Variants in PSG5 observed in about 807,000 individuals in gnomAD.
PSG5 encodes pregnancy-specific beta-1-glycoprotein 5.
Under a neutral mutation model 37.7 loss-of-function variants are expected in PSG5, and 53 were observed. That is an observed-to-expected ratio of 1.41 (90% CI 1.13 to 1.77). The LOEUF is 1.77. PSG5 is among the 40% of genes most tolerant of loss of function. The pLI, the probability that PSG5 is intolerant of heterozygous loss-of-function variation, is 0.00. For synonymous variants in PSG5, 221 were observed against 155.4 expected, an observed-to-expected ratio of 1.42 and a Z score of -3.14; for missense variants, 547 against 405.2, an observed-to-expected ratio of 1.35 and a Z score of -3.00.
rs1968827909 is a variant in PSG5, at chr19:43,168,212, G to A, written c.*41-9C>T. On this transcript the variant is annotated splice_polypyrimidine_tract_variant and intron_variant, in intron 5 of 5. Coordinates refer to ENST00000342951, the MANE Select transcript of PSG5 (RefSeq NM_002781.4). The stretch of plus-strand genomic sequence containing the variant: ...AGAATCAAAGCAACTGTCTGGGAAA[G>A]ACAAAGATTTAAACTGACTATGGTT... The A allele has an allele frequency of 2.5e-6, 1 of 400,030 alleles. No individual in the cohort carries two copies. The highest frequency in any genetic ancestry group is 4.6e-6 in the Non-Finnish European group (1 of 217,048). The allele number at this position is 400,030 out of a possible 1,614,324, so 24.8% of individuals were successfully genotyped here. A position where few individuals can be genotyped will look rare whatever the true frequency, so the allele number is the denominator to read the frequency against.
chr19:43,179,072 C>G (rs202062235), intron 2 of PSG5: 1 of 1,612,122 alleles, frequency 6.2e-7, no homozygotes, highest in Non-Finnish European at 8.5e-7. Context: ...TGTCTGAAGC[C>G]GCAGGATCAC....
At chr19:43,180,816 G>C (rs776462215) in intron 2 of PSG5, among the ~76,000 whole-genome samples, 1 of 149,772 alleles carries the variant, frequency 6.7e-6, no homozygotes, top group East Asian at 2.0e-4. Context: ...AGAGAGTCCC[G>C]TTAAAAGGAC....
intron 2 of PSG5, among the ~76,000 whole-genome samples, chr19:43,178,372 A>G (rs1333550087): frequency 6.6e-6 from 1 of 151,796 alleles, no homozygotes; most frequent in Admixed American, 6.6e-5. Context: ...CAATCAGCCA[A>G]GAATGCTCTG....
chr19:43,185,088 G>T lies in PSG5; in HGVS notation c.124C>A (p.Pro42Thr), dbSNP rs1966903472. The T allele has an allele frequency of 6.2e-7, 1 of 1,611,718 alleles. No individual in the cohort carries two copies. The highest frequency in any genetic ancestry group is 8.5e-7 in the Non-Finnish European group (1 of 1,178,624). Residue 42 changes from proline to threonine, a missense_variant, in exon 2 of 6, where the codon CCA (proline) becomes ACA (threonine). Pro to Thr is a conservative substitution (Grantham distance 38). Transcript: ENST00000342951. ...TCCTTCCCCTCGGAAACTTTGGGTG[G>T]CAGGGCTTCAATCGTGACTTGAGCA... ...ITAQVTIEAL[P>T]PKVSEGKDVL...
intron 2 of PSG5, among the ~76,000 whole-genome samples, chr19:43,182,370 G>C (rs1371721738): frequency 1.3e-5 from 2 of 150,802 alleles, no homozygotes; most frequent in Non-Finnish European, 3.0e-5. Context: ...TGTAGAACAT[G>C]AGATTGGTCT....
rs1400208813 is a variant in PSG5 at position 43,185,426 on chromosome 19, G to A, written c.65-279C>T. Among the ~76,000 whole-genome samples the A allele has an allele frequency of 1.9e-4, 9 of 46,908 alleles. No homozygotes were observed. In the Middle Eastern group the frequency reaches 0.034, roughly 178 times the overall value. The allele number at this position is 46,908 out of a possible 152,430, so 30.8% of individuals were successfully genotyped here. A position where few individuals can be genotyped will look rare whatever the true frequency, so the allele number is the denominator to read the frequency against. ...AATCCTCTTCCCCAGGGGTCCACAC[G>A]GCACCCCCCCCCCCCCACACTGCCC... On this transcript the variant is annotated intron_variant, in intron 1 of 5. Transcript: ENST00000342951.
chr19:43,174,345 A>G, intron 4 of PSG5: 1 of 630,460 alleles, frequency 1.6e-6, no homozygotes, highest in Non-Finnish European at 2.0e-6. Context: ...TAAGTCTTAT[A>G]TTAGATATAT....
intron 2 of PSG5, among the ~76,000 whole-genome samples, chr19:43,181,011 C>T (rs17173164): frequency 0.012 from 1,761 of 151,662 alleles, 69 homozygotes; most frequent in African/African-American, 0.036. Context: ...CTTAAGCTCA[C>T]GAAACACCAC....
At chr19:43,183,301 C>G (rs200315125) in intron 2 of PSG5, 1 of 364,134 alleles carries the variant, frequency 2.7e-6, no homozygotes, top group Non-Finnish European at 5.4e-6. Flanking sequence ...ACATGGATGT[C>G]AGCCTCTGAA....
intron 5 of PSG5, 56 bp downstream of exon 5, chr19:43,169,999 C>T (rs1968869228): frequency 2.6e-6 from 3 of 1,148,846 alleles, no homozygotes; most frequent in East Asian, 5.5e-5. Flanking sequence ...TTTTCCCTCT[C>T]CCAAGCATGG....
At chr19:43,176,869 A>G (rs1969022749) in intron 2 of PSG5, among the ~76,000 whole-genome samples, 1 of 150,902 alleles carries the variant, frequency 6.6e-6, no homozygotes, top group Admixed American at 6.6e-5. Context: ...GAGCAGAACC[A>G]TGTTCCCTGT....
At chr19:43,175,549 A>G in intron 3 of PSG5, 80 bp from the exon 4 acceptor site, 1 of 1,526,568 alleles carries the variant, frequency 6.6e-7, no homozygotes, top group South Asian at 1.3e-5. Context: ...GGACACAGTG[A>G]CCCTCTGAGC....
rs1966898780 is a variant in PSG5 at position 43,184,993 on chromosome 19, C to A, written c.219G>T (p.Met73Ile). 2 of 1,612,490 alleles carry A rather than the reference C, an allele frequency of 1.2e-6. No individual in the cohort carries two copies. Among genetic ancestry groups the A allele is most frequent in the Non-Finnish European group, 1.7e-6 (2 of 1,179,144 alleles). The change falls in exon 2 of 6, where the codon ATG (methionine) becomes ATT (isoleucine). Residue 73 changes from methionine to isoleucine, a missense_variant. Met to Ile is a conservative substitution (Grantham distance 10). Transcript: ENST00000342951. Reference sequence around the variant, plus strand: ...ATGATGTAATGTAATGGTAGAGGTCCATCAGTTGTCCTTTGTACCAGATGT... The same window carrying A: ...ATGATGTAATGTAATGGTAGAGGTCAATCAGTTGTCCTTTGTACCAGATGT... ...AGYIWYKGQL[M>I]DLYHYITSYV...
rs555764584 is a variant in PSG5 at position 43,186,133 on chromosome 19, T to C, written c.64+209A>G. Among the ~76,000 whole-genome samples the C allele has an allele frequency of 2.9e-4, 44 of 151,332 alleles. 1 individual carries two copies. Among genetic ancestry groups the C allele is most frequent in the African/African-American group, 1.1e-3 (44 of 41,126 alleles). On this transcript the variant is annotated intron_variant, in intron 1 of 5. Coordinates refer to ENST00000342951, the MANE Select transcript of PSG5 (RefSeq NM_002781.4). ...CTAGGATTCCAAGAGCACACCACCA[T>C]ACCTGGTTAATTTTTTGTATTTTTA...
Position 43,171,651 on chromosome 19 carries a change from A to G in PSG5, c.965-1513T>C, listed in dbSNP as rs2122203241. 3 of 851,822 alleles carry G rather than the reference A, an allele frequency of 3.5e-6. No individual in the cohort carries two copies. The East Asian group carries it at 1.0e-4, about 30-fold the overall frequency. The allele number at this position is 851,822 out of a possible 1,614,324, so 52.8% of individuals were successfully genotyped here. A position where few individuals can be genotyped will look rare whatever the true frequency, so the allele number is the denominator to read the frequency against. On this transcript the variant is annotated intron_variant, in intron 4 of 5. Coordinates refer to ENST00000342951, the MANE Select transcript of PSG5 (RefSeq NM_002781.4). ...CTAGATTGACTAAGAAAAAAAGAGA[A>G]AAGTTTAAAATTACTCAAATCAGAA...
At chr19:43,184,447 CA>C (rs1445126213) in intron 2 of PSG5, among the ~76,000 whole-genome samples, 3 of 151,564 alleles carry the variant, frequency 2.0e-5, no homozygotes, top group African/African-American at 7.3e-5. Context: ...CCCCTCAGGC[CA>C]AAGCCCTACT....
In PSG5 at chr19:43,186,458, A is replaced by G. The variant is rs150416643; in HGVS notation, c.-53T>C. On this transcript the variant is annotated 5_prime_UTR_variant, in exon 1 of 6. Transcript: ENST00000342951. ...GTGGAGCTGAGCCTAGGATCCAGAA[A>G]CTTCCTGAGCACGGCTGTAGGCTGT... 191 of 1,607,922 alleles carry G rather than the reference A, an allele frequency of 1.2e-4. 4 individuals carry two copies. Among genetic ancestry groups the G allele is most frequent in the African/African-American group, 1.7e-4 (13 of 74,322 alleles).
intron 1 of PSG5, among the ~76,000 whole-genome samples, chr19:43,185,436 C>A (rs760530505): frequency 1.0e-4 from 15 of 150,172 alleles, no homozygotes; most frequent in Admixed American, 2.0e-4. Flanking sequence ...GGCACCCCCC[C>A]CCCCCCACAC....
In PSG5 at chr19:43,184,833, G is replaced by C. The variant is rs372486905; in HGVS notation, c.379C>G (p.Arg127Gly). The change falls in exon 2 of 6, where the codon CGA becomes GGA. Residue 127 changes from arginine (R) to glycine (G), a missense_variant. Arg to Gly is a moderately radical substitution (Grantham distance 125). Coordinates refer to ENST00000342951, the MANE Select transcript of PSG5 (RefSeq NM_002781.4). ...AGSYTLHIIK[R>G]GDRTRGVTGY... The stretch of plus-strand genomic sequence containing the variant: ...GTTACTCCTCTAGTCCTATCACCTC[G>C]CTTTATGATGTGTAAGGTGTAGGAT... 17 of 1,612,214 alleles carry C rather than the reference G, an allele frequency of 1.1e-5. No individual in the cohort carries two copies. The South Asian group carries it at 1.8e-4, about 17-fold the overall frequency.
Sources: allele counts gnomAD v4.1 joint callset (sites outside exome capture counted in the v4.1 genomes callset), GRCh38; gene constraint gnomAD v4.1.1; transcripts MANE v1.5; gene names NCBI Gene and HGNC (gene_info 2026-07-23, HGNC 2026-07-21).